Variants in AASS observed in about 807,000 individuals in gnomAD.
AASS encodes the protein aminoadipate-semialdehyde synthase.
In AASS, 86 loss-of-function variants were observed where a neutral mutation model predicts 105.4. That is an observed-to-expected ratio of 0.82 (90% CI 0.69 to 0.98). AASS has a LOEUF of 0.98. Ranked by LOEUF, AASS falls within the 50% of genes least tolerant of loss-of-function variation. The pLI is 0.00. For missense variants in AASS, 1,048 were observed against 1,143.2 expected (o/e 0.92, Z 1.20); for synonymous variants, 381 against 394.8 (o/e 0.96, Z 0.41).
At chr7:122,104,615 G>A (rs1442603464) in intron 11 of AASS, among the ~76,000 whole-genome samples, 1 of 152,004 alleles carries the variant, frequency 6.6e-6, no homozygotes, top group Non-Finnish European at 1.5e-5. Context: ...ATGAAACTAC[G>A]TCCTTTGCAG....
intron 4 of AASS, among the ~76,000 whole-genome samples, chr7:122,120,701 T>C (rs1375183865): frequency 9.2e-5 from 14 of 152,058 alleles, no homozygotes; most frequent in Admixed American, 9.2e-4. Flanking sequence ...GCTGTAAATT[T>C]CTTTCTAATT....
chr7:122,121,994 C>T (rs1795461039), intron 4 of AASS, among the ~76,000 whole-genome samples: 1 of 152,076 alleles, frequency 6.6e-6, no homozygotes, highest in East Asian at 1.9e-4. Flanking sequence ...GATGTTGCTC[C>T]ACTTTCTGCT....
At chr7:122,132,090 T>A (rs1383125221) in intron 2 of AASS, among the ~76,000 whole-genome samples, 1 of 152,194 alleles carries the variant, frequency 6.6e-6, no homozygotes, top group Non-Finnish European at 1.5e-5. Context: ...ATAAAACAGT[T>A]CACAACTCAT....
At chr7:122,134,774 G>GT (rs398006065) in intron 1 of AASS, among the ~76,000 whole-genome samples, 1 of 150,982 alleles carries the variant, frequency 6.6e-6, no homozygotes. Context: ...CTCATTACTG[G>GT]TATATACCCA....
chr7:122,082,926 T>G (rs1301598280), intron 19 of AASS: 2 of 1,177,330 alleles, frequency 1.7e-6, no homozygotes, highest in Admixed American at 2.3e-5. Context: ...AAATAGATTC[T>G]GAATAATAGA....
intron 4 of AASS, among the ~76,000 whole-genome samples, chr7:122,123,499 G>A (rs1439377882): frequency 6.6e-6 from 1 of 152,190 alleles, no homozygotes; most frequent in Non-Finnish European, 1.5e-5. Flanking sequence ...TCTGACCTCA[G>A]TTAATCTTTC....
chr7:122,120,747 C>T (rs1335301223), intron 4 of AASS, among the ~76,000 whole-genome samples: 2 of 151,974 alleles, frequency 1.3e-5, no homozygotes, highest in Non-Finnish European at 2.9e-5. Context: ...ATAAGCTATA[C>T]TTTAAATTTT....
intron 11 of AASS, among the ~76,000 whole-genome samples, chr7:122,102,107 C>A (rs1794458744): frequency 6.6e-6 from 1 of 151,838 alleles, no homozygotes; most frequent in African/African-American, 2.4e-5. Context: ...CTCAGCAAGG[C>A]CACCAACCCT....
At position 122,076,506 on chromosome 7, in the gene AASS, T is replaced by C. The variant is rs1793016907; in HGVS notation, c.2764A>G (p.Ser922Gly). 2 of 1,611,338 alleles carry C rather than the reference T, an allele frequency of 1.2e-6. No homozygotes were observed. Among genetic ancestry groups the C allele is most frequent in the Non-Finnish European group, 1.7e-6 (2 of 1,177,454 alleles). Residue 922 changes from serine (S) to glycine (G), a missense_variant, in exon 24 of 24, where the codon AGT becomes GGT. Physicochemically the swap from Ser to Gly is moderately conservative, Grantham distance 56. Transcript: ENST00000417368. ...ATTCCCAATTATGGTTTAATTGTAC[T>C]CTGTGTAGTATATATAATGCCTTCT... The part of the protein sequence containing the change: ...KAEGIIYTTQ[S>G]TIKP
chr7:122,078,124 T>C, intron 22 of AASS, 110 bp from the exon 23 acceptor site: 2 of 1,012,670 alleles, frequency 2.0e-6, no homozygotes, highest in Non-Finnish European at 3.1e-6. Flanking sequence ...CTTTTATATA[T>C]GATCACTAGA....
intron 13 of AASS, among the ~76,000 whole-genome samples, chr7:122,100,284 T>C (rs933967248): frequency 3.3e-5 from 5 of 151,788 alleles, no homozygotes; most frequent in Non-Finnish European, 7.4e-5. Flanking sequence ...ATGTCACTAG[T>C]TTCAGTAGTG....
rs1346444524 is a variant in AASS, at chr7:122,075,321, CTA to C, written c.*1166_*1167del. Among the ~76,000 whole-genome samples the C allele has an allele frequency of 2.7e-4, 41 of 152,306 alleles. No individual in the cohort carries two copies. The highest frequency in any genetic ancestry group is 9.4e-4 in the African/African-American group (39 of 41,572). ...TTAATAAATCATGCCTTTGGATTTTCTATAGTTTTCCCTTGGATTACTATGCA... is the reference window on the plus strand; with the variant it reads ...TTAATAAATCATGCCTTTGGATTTTCTAGTTTTCCCTTGGATTACTATGCA... On this transcript the variant is annotated 3_prime_UTR_variant, in exon 24 of 24. Transcript: ENST00000417368.
intron 11 of AASS, among the ~76,000 whole-genome samples, chr7:122,107,349 A>C (rs1794713300): frequency 6.6e-6 from 1 of 152,124 alleles, no homozygotes; most frequent in African/African-American, 2.4e-5. Context: ...AAGAGCTAAA[A>C]ACAGAACTAC....
chr7:122,076,481 A>G lies in AASS; in HGVS notation c.*8T>C. 1 of 1,591,370 alleles carries G rather than the reference A, an allele frequency of 6.3e-7. No individual in the cohort carries two copies. Among genetic ancestry groups the G allele is most frequent in the East Asian group, 2.2e-5 (1 of 44,756 alleles). On this transcript the variant is annotated 3_prime_UTR_variant, in exon 24 of 24. Coordinates refer to ENST00000417368, the MANE Select transcript of AASS (RefSeq NM_005763.4). The stretch of plus-strand genomic sequence containing the variant: ...CCTGGGAAGAAAAAAACAAAATATA[A>G]TTCCCAATTATGGTTTAATTGTACT...
At chr7:122,081,442 C>T in intron 20 of AASS, 58 bp downstream of exon 20, 1 of 1,333,708 alleles carries the variant, frequency 7.5e-7, no homozygotes. Context: ...TCACCCCCGA[C>T]CATTTCAGAA....
At chr7:122,078,040 A>G in intron 22 of AASS, 26 bp from the exon 23 acceptor site, 1 of 1,601,184 alleles carries the variant, frequency 6.2e-7, no homozygotes, top group Non-Finnish European at 8.6e-7. Flanking sequence ...GATAAGTAAA[A>G]ATACCACTAT....
At chr7:122,119,496 G>C (rs1436246870) in intron 4 of AASS, among the ~76,000 whole-genome samples, 1 of 152,122 alleles carries the variant, frequency 6.6e-6, no homozygotes, top group Non-Finnish European at 1.5e-5. Context: ...GCAAAGACCT[G>C]AGCATCCATT....
intron 17 of AASS, 93 bp from the exon 18 acceptor site, chr7:122,091,936 C>T (rs778828192): frequency 6.5e-6 from 6 of 923,042 alleles, no homozygotes; most frequent in Admixed American, 2.1e-5. Context: ...ATGGAGTAAA[C>T]TTGCTACAGT....
chr7:122,121,546 C>T (rs570822855), intron 4 of AASS, among the ~76,000 whole-genome samples: 50 of 152,208 alleles, frequency 3.3e-4, no homozygotes, highest in Admixed American at 2.0e-3. Flanking sequence ...AGGCACGCAC[C>T]GCCAAGCCCA....
Sources: allele counts gnomAD v4.1 joint callset (sites outside exome capture counted in the v4.1 genomes callset), GRCh38; gene constraint gnomAD v4.1.1; transcripts MANE v1.5; gene names NCBI Gene and HGNC (gene_info 2026-07-23, HGNC 2026-07-21).